FCHSD2: variants seen among roughly 807,000 people sequenced by gnomAD.
FCHSD2 encodes FCH and double SH3 domains 2, also known as F-BAR and double SH3 domains protein 2.
A neutral mutation model predicts 108.1 loss-of-function variants in FCHSD2; 38 were observed. The observed-to-expected ratio is 0.35, with a 90% confidence interval of 0.27 to 0.46. The LOEUF is 0.46. Among genes scored for constraint, FCHSD2 ranks in the 20% least tolerant of loss-of-function variants. The probability of loss-of-function intolerance (pLI) is 1.00; values close to 1 mark genes in which losing one functional copy is unlikely to be tolerated. For synonymous variants in FCHSD2, 279 were observed against 314.7 expected, an observed-to-expected ratio of 0.89 and a Z score of 1.20; for missense variants, 751 against 897.8, an observed-to-expected ratio of 0.84 and a Z score of 2.09.
chr11:72,937,820 G>A (rs1215282038), intron 8 of FCHSD2, among the ~76,000 whole-genome samples: 2 of 152,124 alleles, frequency 1.3e-5, no homozygotes, highest in African/African-American at 2.4e-5. Flanking sequence ...CAAACATGAG[G>A]TTTAAAAATG....
intron 11 of FCHSD2, among the ~76,000 whole-genome samples, chr11:72,888,096 T>C (rs1016980050): frequency 6.6e-6 from 1 of 152,160 alleles, no homozygotes; most frequent in Non-Finnish European, 1.5e-5. Context: ...AGAATGCCTA[T>C]ATGAGGGTAA....
intron 3 of FCHSD2, 107 bp from the exon 4 acceptor site, chr11:73,015,992 TA>T: frequency 1.5e-6 from 1 of 674,238 alleles, no homozygotes; most frequent in Non-Finnish European, 2.5e-6. Context: ...AATGTAAATT[TA>T]ATTCAGAAGT....
rs191756586 is a variant in FCHSD2 at position 72,889,065 on chromosome 11, C to T, written c.1041+764G>A. Among the ~76,000 whole-genome samples, 3 of 152,278 alleles carry T rather than the reference C, an allele frequency of 2.0e-5. No homozygotes were observed. The East Asian group carries it at 5.8e-4, about 29-fold the overall frequency. Reference sequence around the variant, plus strand: ...CGCCTCCCAGGTTCATGCCATTCTCCTGCCTCAACCTCCCGAGTAGCTGGG... The same window carrying T: ...CGCCTCCCAGGTTCATGCCATTCTCTTGCCTCAACCTCCCGAGTAGCTGGG... On this transcript the variant is annotated intron_variant, in intron 11 of 19. Transcript: ENST00000409418.
At chr11:72,889,416 G>A (rs1855267852) in intron 11 of FCHSD2, among the ~76,000 whole-genome samples, 1 of 152,162 alleles carries the variant, frequency 6.6e-6, no homozygotes, top group Non-Finnish European at 1.5e-5. Flanking sequence ...AGGGCTTAAG[G>A]AAATTCCAAC....
At chr11:73,023,914 C>T (rs1858167067) in intron 3 of FCHSD2, among the ~76,000 whole-genome samples, 1 of 152,142 alleles carries the variant, frequency 6.6e-6, no homozygotes, top group Non-Finnish European at 1.5e-5. Flanking sequence ...AAAGGTTACA[C>T]ACTGTATTAT....
At chr11:72,960,249 T>A (rs1169588160) in intron 8 of FCHSD2, among the ~76,000 whole-genome samples, 1 of 152,064 alleles carries the variant, frequency 6.6e-6, no homozygotes, top group Non-Finnish European at 1.5e-5. Context: ...AACTCACTCA[T>A]TACTGTGAGG....
At chr11:73,104,687 G>C (rs1860299685) in intron 2 of FCHSD2, among the ~76,000 whole-genome samples, 1 of 151,986 alleles carries the variant, frequency 6.6e-6, no homozygotes, top group Non-Finnish European at 1.5e-5. Flanking sequence ...TCCTGCCTCA[G>C]CCTCCCAAGT....
At chr11:72,979,160 A>G (rs1283839189) in intron 8 of FCHSD2, among the ~76,000 whole-genome samples, 1 of 152,158 alleles carries the variant, frequency 6.6e-6, no homozygotes, top group Non-Finnish European at 1.5e-5. Context: ...GCCCGGCCAC[A>G]GGTAGTTCTT....
chr11:72,982,896 C>T (rs1463969190), intron 8 of FCHSD2, among the ~76,000 whole-genome samples: 2 of 152,154 alleles, frequency 1.3e-5, no homozygotes, highest in Non-Finnish European at 2.9e-5. Context: ...CACAATGGCT[C>T]ACACCTGTAA....
chr11:72,963,278 C>T (rs1013763951), intron 8 of FCHSD2, among the ~76,000 whole-genome samples: 3 of 152,072 alleles, frequency 2.0e-5, no homozygotes, highest in African/African-American at 4.8e-5. Context: ...ACTACTTTTC[C>T]ATTTACTATG....
At chr11:72,952,375 A>T (rs1196111459) in intron 8 of FCHSD2, among the ~76,000 whole-genome samples, 1 of 150,702 alleles carries the variant, frequency 6.6e-6, no homozygotes, top group African/African-American at 2.4e-5. Flanking sequence ...CCTAGTGTGG[A>T]GTGCAGTGGC....
chr11:72,962,739 G>A (rs1363693892), intron 8 of FCHSD2, among the ~76,000 whole-genome samples: 1 of 151,012 alleles, frequency 6.6e-6, no homozygotes, highest in Non-Finnish European at 1.5e-5. Flanking sequence ...TAATCATCAG[G>A]AGCCAGCACA....
At chr11:72,885,118 A>T (rs970377208) in intron 12 of FCHSD2, among the ~76,000 whole-genome samples, 6 of 152,238 alleles carry the variant, frequency 3.9e-5, no homozygotes, top group African/African-American at 1.4e-4. Flanking sequence ...CTCATGGTCT[A>T]GTCCATCCAA....
At chr11:73,047,153 T>A (rs796949243) in intron 3 of FCHSD2, among the ~76,000 whole-genome samples, 15 of 152,050 alleles carry the variant, frequency 9.9e-5, no homozygotes, top group African/African-American at 3.6e-4. Flanking sequence ...AGGAAAAGAT[T>A]TATACCAAAC....
intron 3 of FCHSD2, among the ~76,000 whole-genome samples, chr11:73,059,245 A>T (rs1172311794): frequency 1.3e-5 from 2 of 152,092 alleles, no homozygotes; most frequent in Non-Finnish European, 2.9e-5. Context: ...TTTACATTAC[A>T]CTGTGTGAAC....
chr11:73,041,836 C>T lies in FCHSD2; in HGVS notation c.166-25951G>A, dbSNP rs531857195. ...TTTAGCCATAAAATTTTTGCCTAGG[C>T]CAATGTCCTGGAGTATTTCCTCTAT... On this transcript the variant is annotated intron_variant, in intron 3 of 19. Coordinates refer to ENST00000409418, the MANE Select transcript of FCHSD2 (RefSeq NM_014824.3). Among the ~76,000 whole-genome samples the T allele has an allele frequency of 5.3e-5, 8 of 152,196 alleles. No individual in the cohort carries two copies. The East Asian group carries it at 1.5e-3, about 29-fold the overall frequency.
Position 72,843,443 on chromosome 11 carries a change from A to C in FCHSD2, c.1527+6T>G, listed in dbSNP as rs1861028541. The C allele has an allele frequency of 2.5e-6, 4 of 1,611,136 alleles. No homozygotes were observed. The Admixed American group carries it at 6.7e-5, about 27-fold the overall frequency. ...AAGAAAGGGCGATATGAGCAAAGGA[A>C]TATACCTTTACCCAGTCTTCCATAT... On this transcript the variant is annotated splice_donor_region_variant and intron_variant, in intron 15 of 19. Coordinates refer to ENST00000409418, the MANE Select transcript of FCHSD2 (RefSeq NM_014824.3).
intron 3 of FCHSD2, among the ~76,000 whole-genome samples, chr11:73,054,785 C>T (rs986345436): frequency 1.3e-5 from 2 of 152,130 alleles, no homozygotes; most frequent in African/African-American, 2.4e-5. Context: ...AAGTGATCCC[C>T]CCCACCTCGG....
intron 2 of FCHSD2, among the ~76,000 whole-genome samples, chr11:73,089,370 T>C (rs1432045184): frequency 6.6e-6 from 1 of 152,220 alleles, no homozygotes; most frequent in Non-Finnish European, 1.5e-5. Context: ...GAAAACAATC[T>C]GGGAATTCCC....
Sources: gnomAD v4.1 joint callset for allele counts (sites outside exome capture counted in the v4.1 genomes callset) on GRCh38, gnomAD v4.1.1 for gene constraint, MANE v1.5 for transcripts, NCBI Gene and HGNC (gene_info 2026-07-23, HGNC 2026-07-21) for gene names.